CAST: variants seen among roughly 807,000 people sequenced by gnomAD.
The protein encoded by CAST is MIR583 host.
In CAST, 76 loss-of-function variants were observed where a neutral mutation model predicts 119.6. That is an observed-to-expected ratio of 0.64 (90% CI 0.53 to 0.77). CAST has a LOEUF of 0.77. Among genes scored for constraint, CAST ranks in the 30% least tolerant of loss-of-function variants. CAST has a pLI of 0.00. For synonymous variants in CAST, 319 were observed against 331.6 expected (o/e 0.96, Z 0.41); for missense variants, 953 against 946.5 (o/e 1.01, Z -0.09).
the CAST span, among the ~76,000 whole-genome samples, chr5:96,472,338 T>A: frequency 6.6e-6 from 1 of 152,196 alleles, no homozygotes; most frequent in Non-Finnish European, 1.5e-5. Context: ...GGAAGACATC[T>A]ATAATCCATC....
At chr5:96,010,334 C>A in the CAST span, among the ~76,000 whole-genome samples, 1 of 152,172 alleles carries the variant, frequency 6.6e-6, no homozygotes, top group African/African-American at 2.4e-5. Context: ...GAGTGTGTGT[C>A]AGGGTCTCAC....
intron 20 of CAST, among the ~76,000 whole-genome samples, chr5:96,751,622 T>A (rs1343353386): frequency 1.3e-5 from 2 of 152,078 alleles, no homozygotes; most frequent in Non-Finnish European, 2.9e-5. Context: ...GCCACAGTGG[T>A]AAAGAACCGG....
intron 1 of CAST, among the ~76,000 whole-genome samples, chr5:96,557,098 C>G (rs1746257863): frequency 6.6e-6 from 1 of 151,938 alleles, no homozygotes; most frequent in South Asian, 2.1e-4. Flanking sequence ...AATTTCGTAT[C>G]CAGCCAAACT....
At chr5:96,035,861 A>G in the CAST span, among the ~76,000 whole-genome samples, 1 of 151,808 alleles carries the variant, frequency 6.6e-6, no homozygotes, top group African/African-American at 2.4e-5. Flanking sequence ...GGATGTGCGC[A>G]CTGTGTTTAG....
chr5:96,761,085 AAG>A (rs1197197004), intron 24 of CAST: 3 of 152,158 alleles, frequency 2.0e-5, no homozygotes, highest in Admixed American at 6.6e-5. Flanking sequence ...AGTATTTTTA[AAG>A]AGAGTGAAAA....
the CAST span, among the ~76,000 whole-genome samples, chr5:96,406,698 G>A: frequency 2.6e-5 from 4 of 152,338 alleles, no homozygotes; most frequent in South Asian, 8.3e-4. Flanking sequence ...TTTCCTTTCT[G>A]TTATTACGAA....
the CAST span, among the ~76,000 whole-genome samples, chr5:96,178,889 A>T: frequency 6.6e-6 from 1 of 152,098 alleles, no homozygotes; most frequent in South Asian, 2.1e-4. Flanking sequence ...ACAGGTTCAA[A>T]CTCAACTGAT....
chr5:96,283,493 G>A, the CAST span, among the ~76,000 whole-genome samples: 36 of 152,254 alleles, frequency 2.4e-4, no homozygotes, highest in Admixed American at 1.6e-3. Context: ...TTCACAAGAC[G>A]GATCCAAACT....
chr5:96,429,220 T>C, the CAST span: 7 of 1,513,926 alleles, frequency 4.6e-6, no homozygotes, highest in Non-Finnish European at 6.4e-6. Flanking sequence ...TACACGATCA[T>C]CATCAGATAA....
intron 1 of CAST, among the ~76,000 whole-genome samples, chr5:96,557,038 C>T (rs1746256435): frequency 6.6e-6 from 1 of 152,078 alleles, no homozygotes; most frequent in South Asian, 2.1e-4. Context: ...AGCCAGAAGA[C>T]AGTGGCAGCC....
the CAST span, among the ~76,000 whole-genome samples, chr5:96,011,794 A>G: frequency 1.3e-5 from 2 of 152,182 alleles, no homozygotes; most frequent in African/African-American, 4.8e-5. Flanking sequence ...TTTTAATGCC[A>G]TTGCATCTTT....
At chr5:96,099,809 G>T in the CAST span, among the ~76,000 whole-genome samples, 1 of 152,292 alleles carries the variant, frequency 6.6e-6, no homozygotes, top group Non-Finnish European at 1.5e-5. Flanking sequence ...ATCTCTGCCA[G>T]GTTTTGGTAT....
chr5:96,750,746 C>T (rs1023650919), intron 20 of CAST, 64 bp downstream of exon 20: 1 of 867,728 alleles, frequency 1.2e-6, no homozygotes, highest in Non-Finnish European at 2.0e-6. Flanking sequence ...TCCTGTCACT[C>T]TCTGCTGTGT....
At chr5:96,695,672 A>G (rs1178910793) in intron 2 of CAST, 164 bp from the exon 3 acceptor site, 2 of 479,560 alleles carry the variant, frequency 4.2e-6, no homozygotes, top group Non-Finnish European at 7.9e-6. Flanking sequence ...TATCATCTTC[A>G]GGCAAAGTAA....
At chr5:96,713,077 C>T (rs1386773698) in intron 3 of CAST, among the ~76,000 whole-genome samples, 1 of 151,804 alleles carries the variant, frequency 6.6e-6, no homozygotes, top group East Asian at 1.9e-4. Flanking sequence ...GGAATGAATG[C>T]ACTATGGAAG....
chr5:96,609,030 C>T (rs1030249954), intron 1 of CAST, among the ~76,000 whole-genome samples: 3 of 152,166 alleles, frequency 2.0e-5, no homozygotes, highest in African/African-American at 7.2e-5. Flanking sequence ...TATTACACAC[C>T]TTACACAAAA....
At chr5:96,665,388 T>G (rs80299582) in intron 1 of CAST, among the ~76,000 whole-genome samples, 166 of 152,344 alleles carry the variant, frequency 1.1e-3, no homozygotes, top group African/African-American at 3.8e-3. Context: ...TTTTTTATAC[T>G]AATTCTTCAA....
the CAST span, among the ~76,000 whole-genome samples, chr5:96,500,059 C>T: frequency 1.3e-5 from 2 of 152,000 alleles, no homozygotes; most frequent in East Asian, 1.9e-4. Context: ...ATAAGTTCGC[C>T]GCCTCATATG....
At chr5:96,395,137 G>T in the CAST span, 2 of 906,132 alleles carry the variant, frequency 2.2e-6, no homozygotes, top group Non-Finnish European at 3.6e-6. Context: ...AAGATTCTGT[G>T]CATTTCATGT....
Sources: gnomAD v4.1 joint callset for allele counts (sites outside exome capture counted in the v4.1 genomes callset) on GRCh38, gnomAD v4.1.1 for gene constraint, MANE v1.5 for transcripts, NCBI Gene and HGNC (gene_info 2026-07-23, HGNC 2026-07-21) for gene names.